Variants in IRF2 observed in about 807,000 individuals in gnomAD.
The protein encoded by IRF2 is interferon regulatory factor 2.
IRF2 carries 15 observed loss-of-function variants against 40.6 expected under a neutral mutation model. The observed-to-expected ratio is 0.37, with a 90% CI of 0.25 to 0.57. The LOEUF is 0.57. Among genes scored for constraint, IRF2 ranks in the 20% least tolerant of loss-of-function variants. The pLI is 0.77. For synonymous variants in IRF2, 151 were observed against 165.5 expected (o/e 0.91, Z 0.67); for missense variants, 317 against 455.7 (o/e 0.70, Z 2.77).
At chr4:184,391,139 C>T (rs554971476) in intron 7 of IRF2, among the ~76,000 whole-genome samples, 1 of 152,090 alleles carries the variant, frequency 6.6e-6, no homozygotes, top group African/African-American at 2.4e-5. Flanking sequence ...AAAGGTCTTC[C>T]TACATTATCC....
chr4:184,432,670 C>T (rs538758029), intron 1 of IRF2, among the ~76,000 whole-genome samples: 7 of 152,274 alleles, frequency 4.6e-5, no homozygotes, highest in African/African-American at 1.2e-4. Context: ...CGCAGGAACC[C>T]GATGTCCTTA....
At chr4:184,435,641 C>T (rs1252571081) in intron 1 of IRF2, among the ~76,000 whole-genome samples, 1 of 152,178 alleles carries the variant, frequency 6.6e-6, no homozygotes, top group Admixed American at 6.5e-5. Flanking sequence ...CGTCCTAGCG[C>T]AGGGACAGCT....
intron 1 of IRF2, among the ~76,000 whole-genome samples, chr4:184,442,671 T>G (rs1326439804): frequency 6.6e-6 from 1 of 152,048 alleles, no homozygotes; most frequent in Non-Finnish European, 1.5e-5. Context: ...TCCTGCCGTT[T>G]CAGTGCATAT....
chr4:184,389,844 A>C (rs191629071), intron 8 of IRF2, among the ~76,000 whole-genome samples: 6 of 152,150 alleles, frequency 3.9e-5, no homozygotes, highest in African/African-American at 1.4e-4. Flanking sequence ...CGAGGAACTT[A>C]GTGACAGGCA....
chr4:184,468,551 G>A (rs1210939957), intron 1 of IRF2, among the ~76,000 whole-genome samples: 1 of 152,156 alleles, frequency 6.6e-6, no homozygotes, highest in African/African-American at 2.4e-5. Context: ...ATTTCTGTAT[G>A]GCAAGCAAGG....
chr4:184,442,539 CAAGT>C (rs987002931), intron 1 of IRF2, among the ~76,000 whole-genome samples: 23 of 152,290 alleles, frequency 1.5e-4, no homozygotes, highest in African/African-American at 5.5e-4. Flanking sequence ...TTCAGAAGCA[CAAGT>C]AAGTCCCATA....
intron 1 of IRF2, among the ~76,000 whole-genome samples, chr4:184,454,934 A>G (rs1738857871): frequency 6.6e-6 from 1 of 152,198 alleles, no homozygotes; most frequent in Non-Finnish European, 1.5e-5. Flanking sequence ...TCCAAACAGT[A>G]GGGCCCGTGC....
At chr4:184,462,047 T>A (rs1739167490) in intron 1 of IRF2, among the ~76,000 whole-genome samples, 1 of 152,150 alleles carries the variant, frequency 6.6e-6, no homozygotes, top group Non-Finnish European at 1.5e-5. Flanking sequence ...AGTTAAGTTT[T>A]CCCATATGAA....
chr4:184,405,175 C>T (rs576583907), intron 6 of IRF2, among the ~76,000 whole-genome samples: 5 of 152,214 alleles, frequency 3.3e-5, no homozygotes, highest in East Asian at 3.9e-4. Flanking sequence ...ACCCAGGAGG[C>T]GGAGGTTGCA....
chr4:184,442,298 G>A (rs146923724), intron 1 of IRF2, among the ~76,000 whole-genome samples: 3 of 152,168 alleles, frequency 2.0e-5, no homozygotes, highest in Non-Finnish European at 2.9e-5. Flanking sequence ...AAAGATACTC[G>A]CCCTCTCTCC....
intron 1 of IRF2, among the ~76,000 whole-genome samples, chr4:184,451,980 T>C (rs3775578): frequency 0.16 from 24,797 of 152,214 alleles, 2,330 homozygotes; most frequent in Middle Eastern, 0.31. Context: ...ACCCTAGGGT[T>C]GCACCAATAA....
chr4:184,446,660 GC>G (rs1420166041), intron 1 of IRF2, among the ~76,000 whole-genome samples: 1 of 152,182 alleles, frequency 6.6e-6, no homozygotes, highest in Non-Finnish European at 1.5e-5. Context: ...TTGAATTTGT[GC>G]TTTTTCATAT....
At chr4:184,423,242 G>C (rs1449437522) in intron 2 of IRF2, among the ~76,000 whole-genome samples, 2 of 152,296 alleles carry the variant, frequency 1.3e-5, no homozygotes, top group East Asian at 3.9e-4. Context: ...CGTGGTGGTG[G>C]TACATGCTGT....
intron 5 of IRF2, among the ~76,000 whole-genome samples, chr4:184,414,735 A>G (rs17585271): frequency 0.17 from 26,212 of 152,238 alleles, 2,710 homozygotes; most frequent in Non-Finnish European, 0.24. Context: ...ATCATGAGTG[A>G]CCCCAAGAAA....
chr4:184,418,803 A>G, intron 3 of IRF2, 95 bp from the exon 4 acceptor site: 1 of 1,074,898 alleles, frequency 9.3e-7, no homozygotes, highest in Non-Finnish European at 1.4e-6. Context: ...CAGGCAGTAT[A>G]AGGAAACCTT....
chr4:184,446,729 G>A (rs951446719), intron 1 of IRF2, among the ~76,000 whole-genome samples: 4 of 151,960 alleles, frequency 2.6e-5, no homozygotes, highest in Admixed American at 6.6e-5. Flanking sequence ...GGAGGCGGAC[G>A]GATCACGAGG....
intron 6 of IRF2, among the ~76,000 whole-genome samples, chr4:184,402,492 G>A (rs981319378): frequency 2.6e-5 from 4 of 152,116 alleles, no homozygotes; most frequent in Admixed American, 1.3e-4. Context: ...ATGGAGCTTT[G>A]AGTTGGTCAA....
At chr4:184,469,355 G>A (rs1176291908) in intron 1 of IRF2, among the ~76,000 whole-genome samples, 1 of 152,212 alleles carries the variant, frequency 6.6e-6, no homozygotes, top group African/African-American at 2.4e-5. Context: ...GTTCTGACTG[G>A]AAGTCATATG....
intron 1 of IRF2, among the ~76,000 whole-genome samples, chr4:184,449,816 C>G (rs557061801): frequency 7.9e-5 from 12 of 152,286 alleles, no homozygotes; most frequent in African/African-American, 2.6e-4. Context: ...ACCAACACTG[C>G]GCTGGCCGTT....
Sources: gnomAD v4.1 joint callset for allele counts (sites outside exome capture counted in the v4.1 genomes callset) on GRCh38, gnomAD v4.1.1 for gene constraint, MANE v1.5 for transcripts, NCBI Gene and HGNC (gene_info 2026-07-23, HGNC 2026-07-21) for gene names.